The following CNOT11 variants were observed in gnomAD, a reference collection of about 807,000 sequenced individuals.
CNOT11 encodes UPF0760 protein C2orf29.
A neutral mutation model predicts 44.6 loss-of-function variants in CNOT11; 18 were observed. The observed-to-expected ratio is 0.40, with a 90% CI of 0.28 to 0.60. CNOT11 has a LOEUF of 0.60. Ranked by LOEUF, CNOT11 falls within the 20% of genes least tolerant of loss-of-function variation. The pLI, the probability that CNOT11 is intolerant of heterozygous loss-of-function variation, is 0.38. For synonymous variants in CNOT11, 291 were observed against 270.9 expected (o/e 1.07, Z -0.73); for missense variants, 513 against 677.0 (o/e 0.76, Z 2.69).
rs1681772884 is a variant in CNOT11 at position 101,258,060 on chromosome 2, TATC to T, written c.679+109_679+111del. On this transcript the variant is annotated intron_variant, in intron 2 of 6. Transcript: ENST00000289382. ...TTTTTTGTAACTGCTAAAAGGTTAG[TATC>T]ATCCATTTTAAAAAGTAGTTTTAGT... 5 of 1,160,032 alleles carry T rather than the reference TATC, an allele frequency of 4.3e-6. No individual in the cohort carries two copies. In the Admixed American group the frequency reaches 1.0e-4, roughly 23 times the overall value. The allele number at this position is 1,160,032 out of a possible 1,614,324, so 71.9% of individuals were successfully genotyped here. A position where few individuals can be genotyped will look rare whatever the true frequency, so the allele number is the denominator to read the frequency against.
chr2:101,256,942 G>A (rs1290944137), intron 1 of CNOT11, among the ~76,000 whole-genome samples: 2 of 152,006 alleles, frequency 1.3e-5, no homozygotes, highest in African/African-American at 2.4e-5. Context: ...CCAGCTACTC[G>A]GGAGCCAGAG....
intron 1 of CNOT11, among the ~76,000 whole-genome samples, chr2:101,255,261 C>T (rs543710388): frequency 7.3e-5 from 11 of 151,204 alleles, no homozygotes; most frequent in Admixed American, 1.3e-4. Flanking sequence ...TTTGGGAGGC[C>T]GAGGCGGGCG....
At chr2:101,254,221 C>CA (rs1681689626) in intron 1 of CNOT11, among the ~76,000 whole-genome samples, 1 of 152,044 alleles carries the variant, frequency 6.6e-6, no homozygotes, top group South Asian at 2.1e-4. Flanking sequence ...GGCATGTTGA[C>CA]AACGGGACCT....
Position 101,269,585 on chromosome 2 carries a change from G to C in CNOT11, c.*172G>C. ...GACTTTTTCTGTGAGATGAATTTTT[G>C]ATAAGAACTAGGGAAAACATGTCTT... On this transcript the variant is annotated 3_prime_UTR_variant, in exon 7 of 7. Coordinates refer to ENST00000289382, the MANE Select transcript of CNOT11 (RefSeq NM_017546.5). This position sits in a 1 kb window ranked among gnomAD's most constrained non-coding sequence, Gnocchi z 4.8. 2 of 542,212 alleles carry C rather than the reference G, an allele frequency of 3.7e-6. No individual in the cohort carries two copies. The allele number at this position is 542,212 out of a possible 1,614,324, so 33.6% of individuals were successfully genotyped here.
Position 101,262,657 on chromosome 2 carries a change from A to C in CNOT11, c.798A>C (p.Glu266Asp). The C allele has an allele frequency of 1.2e-6, 2 of 1,614,206 alleles. No individual in the cohort carries two copies. Among genetic ancestry groups the C allele is most frequent in the Non-Finnish European group, 1.7e-6 (2 of 1,180,020 alleles). The stretch of plus-strand genomic sequence containing the variant: ...GCTCAGTTGCCTCTCAGATCACAGA[A>C]GCTTTAGTCAGCGGACCAAAGCCAC... ...FDSSVASQIT[E>D]ALVSGPKPPI... The change falls in exon 3 of 7, where the codon GAA becomes GAC. Residue 266 changes from glutamate to aspartate, a missense_variant. By Grantham distance (45) the Glu-to-Asp change is conservative. Transcript: ENST00000289382.
intron 5 of CNOT11, among the ~76,000 whole-genome samples, chr2:101,268,655 C>T (rs572664851): frequency 1.3e-5 from 2 of 152,182 alleles, no homozygotes; most frequent in African/African-American, 2.4e-5. Context: ...ACTTTGAGTA[C>T]GGAATTCCTG....
intron 1 of CNOT11, among the ~76,000 whole-genome samples, chr2:101,257,326 G>A (rs1681755067): frequency 6.6e-6 from 1 of 151,620 alleles, no homozygotes; most frequent in South Asian, 2.1e-4. Context: ...CCGGGAGGTG[G>A]AGGTTGCAGT....
At chr2:101,258,292 G>C (rs944696872) in intron 2 of CNOT11, among the ~76,000 whole-genome samples, 2 of 152,020 alleles carry the variant, frequency 1.3e-5, no homozygotes, top group African/African-American at 4.8e-5. Context: ...CAGCTACTCA[G>C]GAGGCTGAGA....
intron 5 of CNOT11, among the ~76,000 whole-genome samples, chr2:101,267,542 T>C (rs991987862): frequency 1.5e-4 from 23 of 152,186 alleles, no homozygotes; most frequent in Non-Finnish European, 2.6e-4. Flanking sequence ...CCTTAAGAGC[T>C]GAGAATCCTA....
rs1681990541 is a variant in CNOT11 at position 101,266,618 on chromosome 2, A to AT, written c.1036-57dup. On this transcript the variant is annotated intron_variant, in intron 4 of 6. Coordinates refer to ENST00000289382, the MANE Select transcript of CNOT11 (RefSeq NM_017546.5). ...TTATTTCATATACATGGGAAAAAAAATTGACTCAACACCCTTTCTCTCTCC... is the reference window on the plus strand; with the variant it reads ...TTATTTCATATACATGGGAAAAAAAATTTGACTCAACACCCTTTCTCTCTCC... 4.5e-6 allele frequency: 6 copies of AT among 1,342,528 alleles called. No individual in the cohort carries two copies. The East Asian group carries it at 1.4e-4, about 31-fold the overall frequency. 83.2% of individuals were successfully genotyped at this position (1,342,528 alleles called of 1,614,324 possible). A position where few individuals can be genotyped will look rare whatever the true frequency, so the allele number is the denominator to read the frequency against.
At chr2:101,262,451 T>G (rs1391375674) in intron 2 of CNOT11, 88 bp from the exon 3 acceptor site, 23 of 1,207,842 alleles carry the variant, frequency 1.9e-5, no homozygotes, top group Non-Finnish European at 2.5e-5. Flanking sequence ...TTTGTTTTTC[T>G]CTGTTACAGA....
At chr2:101,261,687 C>A (rs1167734642) in intron 2 of CNOT11, among the ~76,000 whole-genome samples, 1 of 152,140 alleles carries the variant, frequency 6.6e-6, no homozygotes, top group Non-Finnish European at 1.5e-5. Flanking sequence ...TTTTGCCAAT[C>A]TGGTGGGTAT....
chr2:101,269,190 T>A lies in CNOT11; in HGVS notation c.1336-26T>A. Reference sequence around the variant, plus strand: ...ATGGCTGCCAGGAAAATGAGCAGACTAACATTTTTTTTTTTCCTTTTTCAG... The same window carrying A: ...ATGGCTGCCAGGAAAATGAGCAGACAAACATTTTTTTTTTTCCTTTTTCAG... On this transcript the variant is annotated intron_variant, in intron 6 of 6. Transcript: ENST00000289382. The surrounding 1 kb of genome is among the most constrained non-coding windows in gnomAD (Gnocchi z 4.8). 1 of 1,606,116 alleles carries A rather than the reference T, an allele frequency of 6.2e-7. No individual in the cohort carries two copies.
At chr2:101,267,977 G>C (rs1332282475) in intron 5 of CNOT11, among the ~76,000 whole-genome samples, 1 of 152,192 alleles carries the variant, frequency 6.6e-6, no homozygotes, top group African/African-American at 2.4e-5. Context: ...AAAAATCTAT[G>C]TGAAATTGAA....
chr2:101,261,930 T>G (rs1236035944), intron 2 of CNOT11, among the ~76,000 whole-genome samples: 1 of 144,406 alleles, frequency 6.9e-6, no homozygotes, highest in African/African-American at 2.5e-5. Flanking sequence ...CACTGCAAGC[T>G]CCGCCTCCCG....
rs1330922172 is a variant in CNOT11, at chr2:101,253,074, CCGG to C, written c.118_120del (p.Gly40del). The C allele has an allele frequency of 6.6e-7, 1 of 1,516,110 alleles. No homozygotes were observed. Among genetic ancestry groups the C allele is most frequent in the Admixed American group, 2.1e-5 (1 of 47,892 alleles). 93.9% of individuals were successfully genotyped at this position (1,516,110 alleles called of 1,614,324 possible). A position where few individuals can be genotyped will look rare whatever the true frequency, so the allele number is the denominator to read the frequency against. The stretch of plus-strand genomic sequence containing the variant: ...GCGTCCAGGAGCGGCTTCGGGGGCT[CCGG>C]CGGCGGCAGAGGCGGAGCAAGCGGC... On this transcript the variant is annotated inframe_deletion, in exon 1 of 7. Transcript: ENST00000289382. This position sits in a 1 kb window ranked among gnomAD's most constrained non-coding sequence, Gnocchi z 4.3.
At chr2:101,259,438 AAGG>A (rs763293839) in intron 2 of CNOT11, among the ~76,000 whole-genome samples, 1 of 152,234 alleles carries the variant, frequency 6.6e-6, no homozygotes, top group East Asian at 1.9e-4. Context: ...ATAATAGGAG[AAGG>A]AGAACTGGTG....
intron 1 of CNOT11, among the ~76,000 whole-genome samples, chr2:101,255,353 G>T (rs1681714193): frequency 6.6e-6 from 1 of 152,258 alleles, no homozygotes; most frequent in South Asian, 2.1e-4. Flanking sequence ...AAATTAGCCG[G>T]GCGCGGTGGC....
intron 2 of CNOT11, among the ~76,000 whole-genome samples, chr2:101,260,848 G>A (rs1189281000): frequency 6.7e-6 from 1 of 149,280 alleles, no homozygotes; most frequent in Non-Finnish European, 1.5e-5. Flanking sequence ...TCACATTTTG[G>A]TTGATAATAT....
Sources: gnomAD v4.1 joint callset for allele counts (sites outside exome capture counted in the v4.1 genomes callset) on GRCh38, gnomAD v4.1.1 for gene constraint, Gnocchi (gnomAD v3.1) non-coding constraint, MANE v1.5 for transcripts, NCBI Gene and HGNC (gene_info 2026-07-23, HGNC 2026-07-21) for gene names.